Variants in SPATA6L observed in about 807,000 individuals in gnomAD.
The protein encoded by SPATA6L is spermatogenesis associated 6-like protein.
SPATA6L carries 68 observed loss-of-function variants against 49.2 expected under a neutral mutation model. That is an observed-to-expected ratio of 1.38 (90% confidence interval 1.14 to 1.69). The LOEUF (loss-of-function observed/expected upper bound fraction) is 1.69, where lower values mean the gene tolerates loss of function less well. Ranked by LOEUF, SPATA6L falls within the 40% of genes most tolerant of loss-of-function variation. SPATA6L has a pLI of 0.00. For missense variants in SPATA6L, 668 were observed against 464.3 expected (o/e 1.44, Z -4.03); for synonymous variants, 198 against 165.7 (o/e 1.19, Z -1.50).
chr9:4,655,516 T>A (rs1191858853), intron 3 of SPATA6L, among the ~76,000 whole-genome samples: 2 of 151,832 alleles, frequency 1.3e-5, no homozygotes, highest in African/African-American at 2.4e-5. Context: ...ATACTATCCA[T>A]CAAAGCCCAT....
At chr9:4,602,716 G>A (rs1823666420) in intron 11 of SPATA6L, among the ~76,000 whole-genome samples, 1 of 152,136 alleles carries the variant, frequency 6.6e-6, no homozygotes, top group African/African-American at 2.4e-5. Flanking sequence ...CACACATGGG[G>A]AGACATGGAT....
intron 10 of SPATA6L, 50 bp downstream of exon 10, chr9:4,605,297 T>C: frequency 7.1e-7 from 1 of 1,401,960 alleles, no homozygotes; most frequent in Non-Finnish European, 1.0e-6. Flanking sequence ...TAGGTCCCTG[T>C]TCACATATTA....
chr9:4,644,937 GA>G (rs1835016686), intron 3 of SPATA6L, among the ~76,000 whole-genome samples: 1 of 152,164 alleles, frequency 6.6e-6, no homozygotes, highest in African/African-American at 2.4e-5. Context: ...TAAAGGGTCA[GA>G]CTACTAAATG....
intron 3 of SPATA6L, among the ~76,000 whole-genome samples, chr9:4,652,961 G>A (rs889255491): frequency 6.6e-6 from 1 of 151,974 alleles, no homozygotes; most frequent in Non-Finnish European, 1.5e-5. Context: ...TTGATCTACA[G>A]TCAATGGAAT....
At chr9:4,594,265 A>G (rs1822090923), downstream of SPATA6L, among the ~76,000 whole-genome samples, 1 of 152,110 alleles carries the variant, frequency 6.6e-6, no homozygotes, top group African/African-American at 2.4e-5. Flanking sequence ...GCTGGAGTGC[A>G]GTGGCGCGAA....
chr9:4,644,681 T>TCACACACA (rs1480392426), intron 3 of SPATA6L, among the ~76,000 whole-genome samples: 4 of 132,170 alleles, frequency 3.0e-5, no homozygotes, highest in African/African-American at 1.3e-4. Flanking sequence ...TCTCTCTCTC[T>TCACACACA]CTCTCACACA....
intron 9 of SPATA6L, among the ~76,000 whole-genome samples, chr9:4,608,517 A>C (rs1186652270): frequency 8.2e-6 from 1 of 121,940 alleles, no homozygotes; most frequent in Admixed American, 8.5e-5. Flanking sequence ...AACTACATGG[A>C]AACTGAACAA....
At chr9:4,661,042 G>T (rs951756973) in intron 2 of SPATA6L, among the ~76,000 whole-genome samples, 2 of 151,940 alleles carry the variant, frequency 1.3e-5, no homozygotes, top group African/African-American at 4.8e-5. Context: ...GGGGTGGGGG[G>T]AATGAGTTAA....
At chr9:4,655,756 G>A (rs1257886170) in intron 3 of SPATA6L, among the ~76,000 whole-genome samples, 3 of 152,048 alleles carry the variant, frequency 2.0e-5, no homozygotes, top group Admixed American at 6.6e-5. Flanking sequence ...TCACCATGCT[G>A]ACCAGGCTGG....
chr9:4,655,481 TATAA>T (rs1348080793), intron 3 of SPATA6L, among the ~76,000 whole-genome samples: 1 of 152,196 alleles, frequency 6.6e-6, no homozygotes, highest in Non-Finnish European at 1.5e-5. Context: ...AAACAATTTT[TATAA>T]ATAAACAACC....
chr9:4,664,854 T>G (rs1363211372), intron 1 of SPATA6L: 1 of 167,094 alleles, frequency 6.0e-6, no homozygotes, highest in Admixed American at 6.5e-5. Flanking sequence ...TCATTTGCAT[T>G]CCCACAGCAT....
At chr9:4,644,245 T>C (rs181289882) in intron 3 of SPATA6L, among the ~76,000 whole-genome samples, 27 of 140,864 alleles carry the variant, frequency 1.9e-4, no homozygotes, top group Non-Finnish European at 3.2e-4. Flanking sequence ...TGCATGCCTG[T>C]AGTTCCAGCT....
chr9:4,662,755 G>T lies in SPATA6L; in HGVS notation c.40-719C>A. On this transcript the variant is annotated intron_variant, in intron 1 of 11. Transcript: ENST00000682582. This position sits in a 1 kb window ranked among gnomAD's most constrained non-coding sequence, Gnocchi z 4.9. ...GTGTGCGCGGGAGAGAGCTCGTCGT[G>T]GGGCAGCGTGCGACCCCTTATGAAG... The T allele has an allele frequency of 6.2e-7, 1 of 1,604,122 alleles. No individual in the cohort carries two copies.
chr9:4,627,874 G>A, intron 5 of SPATA6L: 1 of 1,114,394 alleles, frequency 9.0e-7, no homozygotes, highest in Non-Finnish European at 1.2e-6. Flanking sequence ...TCCATCAACA[G>A]ATGAATGGAT....
At chr9:4,602,247 A>G (rs1007158042) in intron 11 of SPATA6L, among the ~76,000 whole-genome samples, 4 of 152,054 alleles carry the variant, frequency 2.6e-5, no homozygotes, top group East Asian at 1.9e-4. Context: ...TTGAAATTCA[A>G]TGTAATTTGG....
intron 1 of SPATA6L, chr9:4,663,344 G>C (rs960862166): frequency 7.0e-7 from 1 of 1,432,370 alleles, no homozygotes; most frequent in Non-Finnish European, 9.6e-7. Flanking sequence ...CAGCCATCCC[G>C]CTTGTCCCTC....
intron 9 of SPATA6L, among the ~76,000 whole-genome samples, chr9:4,615,810 T>C (rs182941309): frequency 2.0e-5 from 3 of 152,306 alleles, no homozygotes; most frequent in Admixed American, 1.3e-4. Flanking sequence ...CAATACAGTC[T>C]CTCAGAAAAG....
At chr9:4,659,264 G>A (rs1216670795) in intron 2 of SPATA6L, among the ~76,000 whole-genome samples, 1 of 152,106 alleles carries the variant, frequency 6.6e-6, no homozygotes, top group Non-Finnish European at 1.5e-5. Flanking sequence ...TCAACCTCAG[G>A]TTGAAACAGA....
chr9:4,595,688 C>T (rs1460568653), downstream of SPATA6L, among the ~76,000 whole-genome samples: 1 of 152,132 alleles, frequency 6.6e-6, no homozygotes, highest in Non-Finnish European at 1.5e-5. Context: ...TCTGGGCCTC[C>T]AACACCAATA....
Sources: allele counts gnomAD v4.1 joint callset (sites outside exome capture counted in the v4.1 genomes callset), GRCh38; gene constraint gnomAD v4.1.1; non-coding constraint Gnocchi (gnomAD v3.1); transcripts MANE v1.5; gene names NCBI Gene and HGNC (gene_info 2026-07-23, HGNC 2026-07-21).